The following MOXD1 variants were observed in gnomAD, a reference collection of about 807,000 sequenced individuals.
The protein encoded by MOXD1 is DBH-like monooxygenase protein 1.
In MOXD1, 62 loss-of-function variants were observed where a neutral mutation model predicts 66.6. That is an observed-to-expected ratio of 0.93 (90% CI 0.76 to 1.15). MOXD1 has a LOEUF of 1.15. Among genes scored for constraint, MOXD1 ranks in the 50% most tolerant of loss-of-function variants. The probability of loss-of-function intolerance (pLI) is 0.00; values close to 1 mark genes in which losing one functional copy is unlikely to be tolerated. For synonymous variants in MOXD1, 303 were observed against 281.9 expected, an observed-to-expected ratio of 1.07 and a Z score of -0.75; for missense variants, 847 against 754.6, an observed-to-expected ratio of 1.12 and a Z score of -1.44.
intron 7 of MOXD1, among the ~76,000 whole-genome samples, chr6:132,323,644 G>A (rs1775126304): frequency 6.6e-6 from 1 of 151,982 alleles, no homozygotes; most frequent in African/African-American, 2.4e-5. Context: ...CACAAACAAA[G>A]GTTGAAATTG....
intron 4 of MOXD1, among the ~76,000 whole-genome samples, chr6:132,331,480 C>G (rs1775316173): frequency 6.6e-6 from 1 of 151,728 alleles, no homozygotes; most frequent in African/African-American, 2.4e-5. Flanking sequence ...TTGAAAGAAA[C>G]TTTTAAGAGC....
chr6:132,374,572 G>A (rs916635835), intron 2 of MOXD1, 59 bp downstream of exon 2: 62 of 1,460,334 alleles, frequency 4.2e-5, no homozygotes, highest in Admixed American at 7.4e-5. Flanking sequence ...TCTTTAAAGT[G>A]CTTCACAAGT....
intron 4 of MOXD1, among the ~76,000 whole-genome samples, chr6:132,329,421 G>A (rs747771701): frequency 8.5e-5 from 13 of 152,084 alleles, no homozygotes; most frequent in South Asian, 6.2e-4. Flanking sequence ...GAACAGTGCC[G>A]GAATAAACAT....
intron 10 of MOXD1, among the ~76,000 whole-genome samples, chr6:132,307,603 G>A (rs1012331209): frequency 6.6e-6 from 1 of 152,156 alleles, no homozygotes; most frequent in Non-Finnish European, 1.5e-5. Flanking sequence ...TTCTAAAATC[G>A]ACCACATAAT....
Position 132,315,721 on chromosome 6 carries a change from T to C in MOXD1, c.1422A>G (p.Arg474=). 2 of 1,613,404 alleles carry C rather than the reference T, an allele frequency of 1.2e-6. No individual in the cohort carries two copies. Among genetic ancestry groups the C allele is most frequent in the Non-Finnish European group, 1.7e-6 (2 of 1,179,454 alleles). ...MCLSYLLYYP[R]INLTRCASIP... is the part of the protein sequence containing the mutation. ...TACTTGCACATCGAGTAAGATTAATTCTTGGGTAATAAAGAAGGTATGAGA... is the reference window on the plus strand; with the variant it reads ...TACTTGCACATCGAGTAAGATTAATCCTTGGGTAATAAAGAAGGTATGAGA... Residue 474 remains arginine, a synonymous_variant, in exon 10 of 12, where the codon AGA becomes AGG. Coordinates refer to ENST00000367963, the MANE Select transcript of MOXD1 (RefSeq NM_015529.4).
intron 9 of MOXD1, among the ~76,000 whole-genome samples, chr6:132,317,172 A>G (rs542864679): frequency 2.2e-3 from 330 of 152,298 alleles, no homozygotes; most frequent in Non-Finnish European, 3.6e-3. Flanking sequence ...AGCAACTGCC[A>G]ACCAAGAATT....
chr6:132,311,797 CA>C (rs1218634635), intron 10 of MOXD1, among the ~76,000 whole-genome samples: 2 of 151,948 alleles, frequency 1.3e-5, no homozygotes, highest in Non-Finnish European at 2.9e-5. Context: ...AACATTCATT[CA>C]ACATGTTAGC....
intron 4 of MOXD1, among the ~76,000 whole-genome samples, chr6:132,339,677 T>C (rs1236630378): frequency 6.6e-6 from 1 of 152,178 alleles, no homozygotes. Context: ...GAGCTGAAAT[T>C]GATCCAATCA....
chr6:132,396,781 G>C (rs1303357127), intron 1 of MOXD1, among the ~76,000 whole-genome samples: 1 of 152,150 alleles, frequency 6.6e-6, no homozygotes, highest in African/African-American at 2.4e-5. Flanking sequence ...AGAGGAAATA[G>C]ATAAATTCCT....
intron 4 of MOXD1, among the ~76,000 whole-genome samples, chr6:132,349,881 G>A (rs1200898389): frequency 1.3e-5 from 2 of 152,150 alleles, no homozygotes; most frequent in African/African-American, 2.4e-5. Flanking sequence ...TAGTGATGTT[G>A]AGCGTTTTTT....
chr6:132,325,931 T>C (rs573194606), intron 6 of MOXD1, among the ~76,000 whole-genome samples: 2 of 152,358 alleles, frequency 1.3e-5, no homozygotes, highest in African/African-American at 4.8e-5. Flanking sequence ...TCAGTGCAGA[T>C]ACAAATAAGC....
At chr6:132,349,884 C>T (rs1730188340) in intron 4 of MOXD1, among the ~76,000 whole-genome samples, 1 of 152,120 alleles carries the variant, frequency 6.6e-6, no homozygotes, top group African/African-American at 2.4e-5. Context: ...TGATGTTGAG[C>T]GTTTTTTCAA....
Position 132,372,709 on chromosome 6 carries a change from G to A in MOXD1, c.580-18C>T. On this transcript the variant is annotated intron_variant, in intron 3 of 11. Coordinates refer to ENST00000367963, the MANE Select transcript of MOXD1 (RefSeq NM_015529.4). Reference sequence around the variant, plus strand: ...ATGGGGACCTGTCTTAATAAAAAGGGGAGGAAGACACAAAGTCACCTTCTC... The same window carrying A: ...ATGGGGACCTGTCTTAATAAAAAGGAGAGGAAGACACAAAGTCACCTTCTC... 6.2e-7 allele frequency: 1 copy of A among 1,611,044 alleles called. No homozygotes were observed. The highest frequency in any genetic ancestry group is 8.5e-7 in the Non-Finnish European group (1 of 1,177,380).
chr6:132,375,128 A>T (rs1776352602), intron 1 of MOXD1: 1 of 336,522 alleles, frequency 3.0e-6, no homozygotes, highest in African/African-American at 2.1e-5. Context: ...TTATACAAAA[A>T]AAGTTTGATA....
intron 4 of MOXD1, among the ~76,000 whole-genome samples, chr6:132,344,900 C>T (rs1759285666): frequency 6.6e-6 from 1 of 152,148 alleles, no homozygotes; most frequent in Non-Finnish European, 1.5e-5. Flanking sequence ...ACCCTGCTGA[C>T]TCTTCAGTTG....
intron 1 of MOXD1, among the ~76,000 whole-genome samples, chr6:132,395,840 A>G (rs2114699106): frequency 6.6e-6 from 1 of 152,318 alleles, no homozygotes; most frequent in East Asian, 1.9e-4. Context: ...ATATTTAGAA[A>G]TACAACAATT....
Position 132,339,160 on chromosome 6 carries a change from T to C in MOXD1, c.664-10566A>G, listed in dbSNP as rs80030292. Among the ~76,000 whole-genome samples the C allele has an allele frequency of 4.9e-3, 753 of 152,366 alleles. 2 individuals are homozygous for C. The highest frequency in any genetic ancestry group is 0.014 in the African/African-American group (583 of 41,600). Reference sequence around the variant, plus strand: ...ATTAAGGATTTGATTTTCTAATTTTTATGTATAAGACTTAGCTATATTTTC... The same window carrying C: ...ATTAAGGATTTGATTTTCTAATTTTCATGTATAAGACTTAGCTATATTTTC... On this transcript the variant is annotated intron_variant, in intron 4 of 11. Transcript: ENST00000367963.
intron 1 of MOXD1, 193 bp from the exon 2 acceptor site, chr6:132,374,970 C>A: frequency 1.6e-6 from 1 of 619,838 alleles, no homozygotes; most frequent in South Asian, 2.0e-5. Flanking sequence ...TCTGGCCTTT[C>A]AGGAAAGCAT....
chr6:132,393,450 G>T (rs1776810084), intron 1 of MOXD1, among the ~76,000 whole-genome samples: 1 of 152,176 alleles, frequency 6.6e-6, no homozygotes, highest in African/African-American at 2.4e-5. Flanking sequence ...CAGCTTAGCT[G>T]GGATCAGCTG....
Sources: gnomAD v4.1 joint callset for allele counts (sites outside exome capture counted in the v4.1 genomes callset) on GRCh38, gnomAD v4.1.1 for gene constraint, MANE v1.5 for transcripts, NCBI Gene and HGNC (gene_info 2026-07-23, HGNC 2026-07-21) for gene names.